The following RGS6 variants were observed in gnomAD, a reference collection of about 807,000 sequenced individuals.
The protein encoded by RGS6 is regulator of G-protein signaling 6.
RGS6 carries 30 observed loss-of-function variants against 78.5 expected under a neutral mutation model. That is an observed-to-expected ratio of 0.38 (90% CI 0.29 to 0.52). The LOEUF is 0.52. Among genes scored for constraint, RGS6 ranks in the 20% least tolerant of loss-of-function variants. RGS6 has a pLI of 0.85. For synonymous variants in RGS6, 206 were observed against 206.0 expected, an observed-to-expected ratio of 1.00 and a Z score of 0.00; for missense variants, 495 against 609.7, an observed-to-expected ratio of 0.81 and a Z score of 1.98.
At chr14:72,509,624 G>A (rs2096854402) in intron 13 of RGS6, among the ~76,000 whole-genome samples, 2 of 152,188 alleles carry the variant, frequency 1.3e-5, no homozygotes, top group Non-Finnish European at 2.9e-5. Flanking sequence ...ATCAATAAGT[G>A]CATGTAACAT....
At chr14:72,543,880 C>T (rs1454907304) in intron 17 of RGS6, among the ~76,000 whole-genome samples, 1 of 152,192 alleles carries the variant, frequency 6.6e-6, no homozygotes, top group Non-Finnish European at 1.5e-5. Context: ...GGATTACAGG[C>T]ACACGCCACC....
At chr14:72,295,506 G>T (rs2064624550) in intron 2 of RGS6, among the ~76,000 whole-genome samples, 2 of 152,076 alleles carry the variant, frequency 1.3e-5, no homozygotes, top group Non-Finnish European at 2.9e-5. Context: ...CACTGCATAG[G>T]AGGGAGAGAG....
intron 2 of RGS6, among the ~76,000 whole-genome samples, chr14:72,006,919 C>T (rs774544597): frequency 6.4e-4 from 97 of 152,258 alleles, no homozygotes; most frequent in Middle Eastern, 3.4e-3. Flanking sequence ...CTTGAACACA[C>T]TGTCCATAGA....
intron 2 of RGS6, among the ~76,000 whole-genome samples, chr14:72,349,984 T>C (rs2078811441): frequency 1.3e-5 from 2 of 152,234 alleles, no homozygotes; most frequent in South Asian, 4.1e-4. Flanking sequence ...TGTGACCATT[T>C]TTCTAGCTCT....
At chr14:72,157,312 C>T (rs1173045290) in intron 2 of RGS6, among the ~76,000 whole-genome samples, 1 of 152,102 alleles carries the variant, frequency 6.6e-6, no homozygotes, top group African/African-American at 2.4e-5. Context: ...AGATGTCTGG[C>T]CAATGGAAAC....
intron 3 of RGS6, among the ~76,000 whole-genome samples, chr14:72,368,142 A>G (rs1417740642): frequency 1.3e-5 from 2 of 152,206 alleles, no homozygotes; most frequent in Non-Finnish European, 2.9e-5. Context: ...GTCCAAAAGC[A>G]TGGTGCCAGC....
chr14:72,505,231 A>G (rs1028251653), intron 13 of RGS6, among the ~76,000 whole-genome samples: 4 of 152,222 alleles, frequency 2.6e-5, no homozygotes, highest in African/African-American at 9.7e-5. Flanking sequence ...TTACAAAAAT[A>G]CTATAGACTG....
chr14:72,276,248 A>G (rs1311987382), intron 2 of RGS6, among the ~76,000 whole-genome samples: 3 of 152,218 alleles, frequency 2.0e-5, no homozygotes, highest in Non-Finnish European at 4.4e-5. Context: ...CCTCATCTAA[A>G]ACTATCCAAG....
At chr14:72,334,242 C>T (rs550011928) in intron 2 of RGS6, among the ~76,000 whole-genome samples, 1 of 152,242 alleles carries the variant, frequency 6.6e-6, no homozygotes, top group African/African-American at 2.4e-5. Context: ...GAGCCCACCC[C>T]CAAGGCTCAT....
At chr14:72,103,197 C>T (rs2095562603) in intron 2 of RGS6, among the ~76,000 whole-genome samples, 2 of 152,154 alleles carry the variant, frequency 1.3e-5, no homozygotes, top group South Asian at 2.1e-4. Context: ...TACGGCAATT[C>T]CAGTGCCTCC....
At chr14:72,239,661 C>T (rs1057060496) in intron 2 of RGS6, among the ~76,000 whole-genome samples, 18 of 152,134 alleles carry the variant, frequency 1.2e-4, no homozygotes, top group African/African-American at 2.7e-4. Context: ...AGAGTCTTTC[C>T]GGAAGCAGTA....
chr14:72,211,153 A>C (rs2044037633), intron 2 of RGS6, among the ~76,000 whole-genome samples: 1 of 152,232 alleles, frequency 6.6e-6, no homozygotes, highest in Non-Finnish European at 1.5e-5. Context: ...GTTATTCAGA[A>C]AAGATGTCCA....
intron 14 of RGS6, among the ~76,000 whole-genome samples, chr14:72,512,865 C>T (rs972356962): frequency 6.6e-6 from 1 of 152,232 alleles, no homozygotes; most frequent in Admixed American, 6.5e-5. Context: ...TGGCACAGGG[C>T]TGGCGGATTT....
chr14:72,017,664 T>A (rs376782841), intron 2 of RGS6, among the ~76,000 whole-genome samples: 3 of 152,238 alleles, frequency 2.0e-5, no homozygotes, highest in Non-Finnish European at 4.4e-5. Flanking sequence ...GATAGTAACC[T>A]TTCTTGTCTC....
At chr14:72,351,010 A>C (rs1316630484) in intron 2 of RGS6, among the ~76,000 whole-genome samples, 1 of 152,172 alleles carries the variant, frequency 6.6e-6, no homozygotes, top group Non-Finnish European at 1.5e-5. Context: ...ACAAGTTATT[A>C]GTCATGTGTC....
intron 2 of RGS6, among the ~76,000 whole-genome samples, chr14:72,107,037 A>C (rs762751184): frequency 1.6e-4 from 25 of 152,108 alleles, no homozygotes; most frequent in Non-Finnish European, 3.5e-4. Flanking sequence ...AGAGAAGCAT[A>C]ATGGTGACAG....
At chr14:72,327,037 C>A (rs753774788) in intron 2 of RGS6, among the ~76,000 whole-genome samples, 3 of 152,122 alleles carry the variant, frequency 2.0e-5, no homozygotes, top group Non-Finnish European at 1.5e-5. Flanking sequence ...GAAAGAGTGG[C>A]CTAACACGTA....
At chr14:72,210,640 CT>C (rs1300898080) in intron 2 of RGS6, among the ~76,000 whole-genome samples, 1 of 152,052 alleles carries the variant, frequency 6.6e-6, no homozygotes, top group Non-Finnish European at 1.5e-5. Flanking sequence ...ATCTAATCAT[CT>C]AGAAAACAAG....
intron 2 of RGS6, among the ~76,000 whole-genome samples, chr14:72,269,563 T>G (rs1335984618): frequency 2.6e-5 from 2 of 75,668 alleles, no homozygotes; most frequent in Non-Finnish European, 5.5e-5. Context: ...GAAACCTATC[T>G]TAAATTTTTT....
Sources: gnomAD v4.1 joint callset for allele counts (sites outside exome capture counted in the v4.1 genomes callset) on GRCh38, gnomAD v4.1.1 for gene constraint, MANE v1.5 for transcripts, NCBI Gene and HGNC (gene_info 2026-07-23, HGNC 2026-07-21) for gene names.